The following KHDRBS2 variants were observed in gnomAD, a reference collection of about 807,000 sequenced individuals.
The protein encoded by KHDRBS2 is KH RNA binding domain containing, signal transduction associated 2, also known as KH domain-containing, RNA-binding, signal transduction-associated protein 2.
Under a neutral mutation model 44.3 loss-of-function variants are expected in KHDRBS2, and 26 were observed. The ratio of observed to expected loss-of-function variants is 0.59; its 90% confidence interval spans 0.43 to 0.81. The LOEUF is 0.81. Ranked by LOEUF, KHDRBS2 falls within the 40% of genes least tolerant of loss-of-function variation. The probability of loss-of-function intolerance (pLI) is 0.00; values close to 1 mark genes in which losing one functional copy is unlikely to be tolerated. For synonymous variants in KHDRBS2, 194 were observed against 151.1 expected, an observed-to-expected ratio of 1.28 and a Z score of -2.08; for missense variants, 476 against 433.1, an observed-to-expected ratio of 1.10 and a Z score of -0.88.
intron 4 of KHDRBS2, among the ~76,000 whole-genome samples, chr6:61,933,819 A>G (rs1336920628): frequency 1.3e-5 from 2 of 152,210 alleles, no homozygotes; most frequent in African/African-American, 4.8e-5. Flanking sequence ...ATAACCAATA[A>G]TATGGATTGC....
chr6:62,177,284 T>C lies in KHDRBS2; in HGVS notation c.120A>G (p.Gly40=). Residue 40 remains glycine (G), a synonymous_variant, in exon 2 of 9, where the codon GGA becomes GGG. Coordinates refer to ENST00000281156, the MANE Select transcript of KHDRBS2 (RefSeq NM_152688.4). Reference sequence around the variant, plus strand: ...ACTTCTTTTCTTCGTCTTCCTTTTTTCCATCAGAACCTTGAAACTTTTCAA... The same window carrying C: ...ACTTCTTTTCTTCGTCTTCCTTTTTCCCATCAGAACCTTGAAACTTTTCAA... ...EEIEKFQGSD[G]KKEDEEKKYL... The C allele has an allele frequency of 6.2e-7, 1 of 1,600,436 alleles. No individual in the cohort carries two copies.
chr6:62,213,858 A>G (rs1203610634), intron 1 of KHDRBS2, among the ~76,000 whole-genome samples: 1 of 122,048 alleles, frequency 8.2e-6, no homozygotes, highest in Non-Finnish European at 1.6e-5. Context: ...TGGGTGACAG[A>G]GCGAGACTCC....
intron 4 of KHDRBS2, among the ~76,000 whole-genome samples, chr6:61,941,132 C>A (rs1167465223): frequency 6.6e-6 from 1 of 152,160 alleles, no homozygotes; most frequent in Non-Finnish European, 1.5e-5. Context: ...GGGCATGCAG[C>A]CTGGGGACAA....
chr6:61,810,003 T>C (rs1787849002), intron 6 of KHDRBS2, among the ~76,000 whole-genome samples: 2 of 152,068 alleles, frequency 1.3e-5, no homozygotes, highest in African/African-American at 2.4e-5. Context: ...ATTGAGAAAC[T>C]GGAGGTCCCA....
chr6:61,582,694 CT>C, the KHDRBS2 span, among the ~76,000 whole-genome samples: 92,825 of 150,194 alleles, frequency 0.62, 28,779 homozygotes, highest in Non-Finnish European at 0.65. Flanking sequence ...TATTATGTAA[CT>C]TTTTTTTTTA....
intron 4 of KHDRBS2, among the ~76,000 whole-genome samples, chr6:61,919,683 A>G (rs994719902): frequency 1.3e-5 from 2 of 151,674 alleles, no homozygotes; most frequent in African/African-American, 4.8e-5. Flanking sequence ...ATTTCTGGCC[A>G]TGTTCACTGT....
chr6:61,553,517 G>C, the KHDRBS2 span, among the ~76,000 whole-genome samples: 3 of 152,032 alleles, frequency 2.0e-5, no homozygotes, highest in African/African-American at 4.8e-5. Flanking sequence ...GTTCTGCTTT[G>C]ATTTTGGTTA....
At chr6:62,177,361 A>G (rs1585075719) in intron 1 of KHDRBS2, 49 bp from the exon 2 acceptor site, 7 of 1,404,736 alleles carry the variant, frequency 5.0e-6, no homozygotes, top group Non-Finnish European at 6.8e-6. Context: ...GAACAATGTT[A>G]TCATAAATAT....
chr6:62,078,431 TTTAAA>T (rs1326616772), intron 2 of KHDRBS2, among the ~76,000 whole-genome samples: 1 of 152,048 alleles, frequency 6.6e-6, no homozygotes, highest in Non-Finnish European at 1.5e-5. Flanking sequence ...TTTTAGATTA[TTTAAA>T]TTATCAAATT....
At chr6:62,285,224 T>C (rs1277996857) in intron 1 of KHDRBS2, among the ~76,000 whole-genome samples, 1 of 152,126 alleles carries the variant, frequency 6.6e-6, no homozygotes, top group Non-Finnish European at 1.5e-5. Flanking sequence ...AAATGCACAC[T>C]TGGTAAAACA....
intron 2 of KHDRBS2, among the ~76,000 whole-genome samples, chr6:62,101,236 T>C (rs374757897): frequency 2.6e-5 from 4 of 152,256 alleles, no homozygotes; most frequent in African/African-American, 7.2e-5. Flanking sequence ...TTTTTTTTCC[T>C]ACCTAGATGC....
intron 6 of KHDRBS2, among the ~76,000 whole-genome samples, chr6:61,845,075 C>T (rs1246709128): frequency 6.6e-6 from 1 of 152,112 alleles, no homozygotes; most frequent in Non-Finnish European, 1.5e-5. Flanking sequence ...TCAGTTTTTA[C>T]TTAAAATGGT....
chr6:62,046,817 G>A (rs1311678161), intron 3 of KHDRBS2, among the ~76,000 whole-genome samples: 4 of 151,794 alleles, frequency 2.6e-5, no homozygotes, highest in African/African-American at 9.7e-5. Context: ...ACAGTATAGA[G>A]TAATCAAAAG....
intron 2 of KHDRBS2, among the ~76,000 whole-genome samples, chr6:62,148,171 C>T (rs2150103307): frequency 6.6e-6 from 1 of 152,012 alleles, no homozygotes; most frequent in African/African-American, 2.4e-5. Flanking sequence ...AGCAAAAGGA[C>T]AAAACAAAAA....
chr6:61,815,174 A>G (rs1279500932), intron 6 of KHDRBS2, among the ~76,000 whole-genome samples: 1 of 151,824 alleles, frequency 6.6e-6, no homozygotes, highest in Non-Finnish European at 1.5e-5. Context: ...GGGAAAACCT[A>G]ACTATGTTTT....
intron 2 of KHDRBS2, among the ~76,000 whole-genome samples, chr6:62,054,700 T>C (rs768169092): frequency 2.0e-5 from 3 of 152,042 alleles, no homozygotes; most frequent in Non-Finnish European, 4.4e-5. Flanking sequence ...AGGCAGCTTC[T>C]ATTAGGTGGA....
At chr6:62,080,223 G>C (rs1584566478) in intron 2 of KHDRBS2, among the ~76,000 whole-genome samples, 1 of 152,098 alleles carries the variant, frequency 6.6e-6, no homozygotes, top group Non-Finnish European at 1.5e-5. Context: ...TTAAATGTTT[G>C]TGATGTGCCA....
At chr6:61,614,805 G>A in the KHDRBS2 span, among the ~76,000 whole-genome samples, 2 of 152,148 alleles carry the variant, frequency 1.3e-5, no homozygotes, top group Non-Finnish European at 2.9e-5. Flanking sequence ...TATGACCTTG[G>A]TTTGGCTCTT....
chr6:62,220,639 C>T (rs189054186), intron 1 of KHDRBS2, among the ~76,000 whole-genome samples: 2 of 151,748 alleles, frequency 1.3e-5, no homozygotes, highest in Admixed American at 6.6e-5. Flanking sequence ...TATCATTCAA[C>T]ATTAGAAATT....
Sources: gnomAD v4.1 joint callset for allele counts (sites outside exome capture counted in the v4.1 genomes callset) on GRCh38, gnomAD v4.1.1 for gene constraint, MANE v1.5 for transcripts, NCBI Gene and HGNC (gene_info 2026-07-23, HGNC 2026-07-21) for gene names.